Variants in DYNC1I2 observed in about 807,000 individuals in gnomAD.
The protein encoded by DYNC1I2 is dynein cytoplasmic 1 intermediate chain 2.
DYNC1I2 carries 53 observed loss-of-function variants against 88.6 expected under a neutral mutation model. That is an observed-to-expected ratio of 0.60 (90% CI 0.48 to 0.75). The LOEUF (loss-of-function observed/expected upper bound fraction) is 0.75, where lower values mean the gene tolerates loss of function less well. Among genes scored for constraint, DYNC1I2 ranks in the 30% least tolerant of loss-of-function variants. DYNC1I2 has a pLI of 0.00. For missense variants in DYNC1I2, 458 were observed against 766.6 expected (o/e 0.60, Z 4.75); for synonymous variants, 198 against 254.6 (o/e 0.78, Z 2.12).
At chr2:171,746,502 A>C (rs1689790353) in intron 17 of DYNC1I2, among the ~76,000 whole-genome samples, 1 of 152,210 alleles carries the variant, frequency 6.6e-6, no homozygotes, top group African/African-American at 2.4e-5. Context: ...GGGTTAAAAA[A>C]GTGACCTTAG....
At chr2:171,689,313 CAT>C (rs926668259) in intron 1 of DYNC1I2, among the ~76,000 whole-genome samples, 2 of 152,158 alleles carry the variant, frequency 1.3e-5, no homozygotes, top group African/African-American at 4.8e-5. Flanking sequence ...GAAATACAGT[CAT>C]ATGATTTGAT....
chr2:171,692,779 A>G lies in DYNC1I2; in HGVS notation c.111A>G (p.Thr37=), dbSNP rs1207166271. 6.3e-7 allele frequency: 1 copy of G among 1,594,564 alleles called. No homozygotes were observed. Among genetic ancestry groups the G allele is most frequent in the East Asian group, 2.2e-5 (1 of 44,660 alleles). The stretch of plus-strand genomic sequence containing the variant: ...AGTTTTTAACCTAAACATTTTAGAC[A>G]GACCAGAAGAAGGAAGCTGTTGCTC... The part of the protein sequence containing the change: ...RKEEERKKKE[T]DQKKEAVAPV... The change falls in exon 3 of 18, where the codon ACA becomes ACG. Residue 37 remains threonine (T), a splice_region_variant and synonymous_variant. Transcript: ENST00000397119.
At chr2:171,730,925 C>T (rs1421163979) in intron 15 of DYNC1I2, among the ~76,000 whole-genome samples, 1 of 152,112 alleles carries the variant, frequency 6.6e-6, no homozygotes. Flanking sequence ...TTGATGCCTC[C>T]TTTCTGTCTG....
intron 1 of DYNC1I2, chr2:171,687,993 G>C (rs1410437629): frequency 1.3e-5 from 2 of 152,410 alleles, no homozygotes; most frequent in Non-Finnish European, 2.9e-5. Flanking sequence ...AGGAAAGGCG[G>C]GGAGACCTGG....
intron 15 of DYNC1I2, among the ~76,000 whole-genome samples, chr2:171,734,193 C>T (rs888646362): frequency 6.6e-6 from 1 of 152,004 alleles, no homozygotes; most frequent in African/African-American, 2.4e-5. Flanking sequence ...TTGTTTTTTA[C>T]TCTCTCAGGG....
At chr2:171,712,014 T>A (rs1218840870) in intron 5 of DYNC1I2, among the ~76,000 whole-genome samples, 1 of 152,232 alleles carries the variant, frequency 6.6e-6, no homozygotes, top group Non-Finnish European at 1.5e-5. Flanking sequence ...GAAAAGATCC[T>A]CTGTAAGTTA....
At chr2:171,714,340 G>T (rs750051360) in intron 6 of DYNC1I2, among the ~76,000 whole-genome samples, 1 of 151,736 alleles carries the variant, frequency 6.6e-6, no homozygotes, top group Non-Finnish European at 1.5e-5. Context: ...TATAGGACTT[G>T]GATTTAGTTA....
At chr2:171,726,756 A>C in intron 10 of DYNC1I2, 35 bp from the exon 11 acceptor site, 1 of 1,608,082 alleles carries the variant, frequency 6.2e-7, no homozygotes, top group Non-Finnish European at 8.5e-7. Flanking sequence ...CTTATTATGC[A>C]TAGCATTTCT....
intron 15 of DYNC1I2, among the ~76,000 whole-genome samples, chr2:171,733,459 CTTTTTTTTTTTT>C (rs61079902): frequency 9.5e-4 from 53 of 55,804 alleles, no homozygotes; most frequent in African/African-American, 2.3e-3. Flanking sequence ...TTGCCAGCAT[CTTTTTTTTTTTT>C]TTTTTTTTTT....
intron 5 of DYNC1I2, among the ~76,000 whole-genome samples, chr2:171,711,139 A>G (rs957216862): frequency 6.6e-6 from 1 of 150,652 alleles, no homozygotes; most frequent in Non-Finnish European, 1.5e-5. Context: ...TGTCCTTGTG[A>G]TAGTTTGCTG....
intron 15 of DYNC1I2, among the ~76,000 whole-genome samples, chr2:171,733,787 T>C (rs2105732737): frequency 6.6e-6 from 1 of 151,766 alleles, no homozygotes; most frequent in East Asian, 1.9e-4. Context: ...TTTTGCTGTG[T>C]AGAAGCTCTT....
chr2:171,725,428 A>T (rs1688170537), intron 7 of DYNC1I2, among the ~76,000 whole-genome samples, 190 bp from the exon 8 acceptor site: 1 of 152,090 alleles, frequency 6.6e-6, no homozygotes, highest in South Asian at 2.1e-4. Flanking sequence ...TAACTATTTG[A>T]TTATGTTGAT....
At chr2:171,742,103 C>T (rs1689479559) in intron 15 of DYNC1I2, among the ~76,000 whole-genome samples, 1 of 151,200 alleles carries the variant, frequency 6.6e-6, no homozygotes, top group Admixed American at 6.6e-5. Flanking sequence ...GTTTTACTTT[C>T]CATTTAGATC....
chr2:171,737,356 A>G (rs1403995638), intron 15 of DYNC1I2, among the ~76,000 whole-genome samples: 1 of 152,238 alleles, frequency 6.6e-6, no homozygotes, highest in African/African-American at 2.4e-5. Flanking sequence ...ACATTTACAG[A>G]TACCAGGTAG....
intron 3 of DYNC1I2, among the ~76,000 whole-genome samples, chr2:171,696,871 C>G (rs1004322952): frequency 6.6e-6 from 1 of 152,096 alleles, no homozygotes; most frequent in Non-Finnish European, 1.5e-5. Flanking sequence ...CCCCTTTGTT[C>G]CTTTTACAAA....
intron 3 of DYNC1I2, among the ~76,000 whole-genome samples, chr2:171,701,557 A>G (rs1686262102): frequency 6.6e-6 from 1 of 152,204 alleles, no homozygotes; most frequent in Non-Finnish European, 1.5e-5. Context: ...GAAAGATACC[A>G]TTAAACTTCA....
At chr2:171,689,205 T>C (rs141407137) in intron 1 of DYNC1I2, among the ~76,000 whole-genome samples, 2 of 152,284 alleles carry the variant, frequency 1.3e-5, no homozygotes, top group East Asian at 3.9e-4. Flanking sequence ...GTCCCTGATT[T>C]CAAGTACATT....
chr2:171,729,912 A>G (rs990174451), intron 15 of DYNC1I2, 59 bp downstream of exon 15: 2 of 1,577,078 alleles, frequency 1.3e-6, no homozygotes, highest in African/African-American at 1.4e-5. Flanking sequence ...GTGGTGATCT[A>G]ATACTACATA....
At chr2:171,727,715 T>C in intron 11 of DYNC1I2, 106 bp from the exon 12 acceptor site, 1 of 1,010,946 alleles carries the variant, frequency 9.9e-7, no homozygotes, top group East Asian at 2.6e-5. Context: ...TAACCTCTAA[T>C]ACCATACAAT....
Sources: gnomAD v4.1 joint callset for allele counts (sites outside exome capture counted in the v4.1 genomes callset) on GRCh38, gnomAD v4.1.1 for gene constraint, MANE v1.5 for transcripts, NCBI Gene and HGNC (gene_info 2026-07-23, HGNC 2026-07-21) for gene names.